Variants in RALGPS1 observed in about 807,000 individuals in gnomAD.
The protein encoded by RALGPS1 is ras-specific guanine nucleotide-releasing factor RalGPS1.
RALGPS1 carries 19 observed loss-of-function variants against 78.8 expected under a neutral mutation model. The observed-to-expected ratio is 0.24, with a 90% CI of 0.17 to 0.35. The LOEUF is 0.35. Among genes scored for constraint, RALGPS1 ranks in the 10% least tolerant of loss-of-function variants. The probability of loss-of-function intolerance (pLI) is 1.00; values close to 1 mark genes in which losing one functional copy is unlikely to be tolerated. For missense variants in RALGPS1, 454 were observed against 688.3 expected, an observed-to-expected ratio of 0.66 and a Z score of 3.81; for synonymous variants, 228 against 256.3, an observed-to-expected ratio of 0.89 and a Z score of 1.06.
intron 8 of RALGPS1, among the ~76,000 whole-genome samples, chr9:127,119,623 T>A (rs1308286697): frequency 6.6e-6 from 1 of 152,174 alleles, no homozygotes; most frequent in African/African-American, 2.4e-5. Flanking sequence ...TGACATAATG[T>A]ATATGCCTTA....
chr9:127,164,782 C>T (rs944738523), intron 8 of RALGPS1, among the ~76,000 whole-genome samples: 20 of 148,524 alleles, frequency 1.3e-4, no homozygotes, highest in African/African-American at 4.7e-4. Context: ...TCGAGCAATC[C>T]GCTCACCTCG....
At chr9:127,108,523 C>A (rs750442560) in intron 8 of RALGPS1, 10 of 1,613,168 alleles carry the variant, frequency 6.2e-6, no homozygotes, top group Non-Finnish European at 8.5e-6. Context: ...GGAGTTGACG[C>A]AGATGGCACC....
At chr9:126,924,617 A>G (rs2035088777) in intron 1 of RALGPS1, among the ~76,000 whole-genome samples, 1 of 152,214 alleles carries the variant, frequency 6.6e-6, no homozygotes, top group Non-Finnish European at 1.5e-5. Context: ...CAGTTTTAAT[A>G]TCTGAGATTG....
intron 8 of RALGPS1, among the ~76,000 whole-genome samples, chr9:127,160,362 G>T (rs1018214906): frequency 3.3e-5 from 5 of 152,244 alleles, no homozygotes; most frequent in African/African-American, 1.2e-4. Context: ...CCTGCCCCTT[G>T]TGTTGAGGCC....
At chr9:126,947,130 T>A (rs1025609860) in intron 1 of RALGPS1, among the ~76,000 whole-genome samples, 1 of 152,206 alleles carries the variant, frequency 6.6e-6, no homozygotes, top group Non-Finnish European at 1.5e-5. Context: ...TTGATTCTTG[T>A]GGTCTTAGGC....
chr9:127,187,528 C>T (rs905300712), intron 11 of RALGPS1, among the ~76,000 whole-genome samples: 7 of 152,240 alleles, frequency 4.6e-5, no homozygotes, highest in Non-Finnish European at 7.3e-5. Context: ...TAGCGCTGGG[C>T]GCATTACATT....
At chr9:127,101,287 G>C (rs1481415782) in intron 8 of RALGPS1, among the ~76,000 whole-genome samples, 6 of 152,340 alleles carry the variant, frequency 3.9e-5, no homozygotes, top group Admixed American at 3.9e-4. Flanking sequence ...GGGCTCAAGA[G>C]GATCACATGA....
intron 7 of RALGPS1, among the ~76,000 whole-genome samples, chr9:127,064,132 T>G (rs2049466594): frequency 6.6e-6 from 1 of 152,216 alleles, no homozygotes; most frequent in East Asian, 1.9e-4. Flanking sequence ...CTTCTAAACT[T>G]TACTAGAAGT....
chr9:127,193,732 C>A (rs1289508427), intron 11 of RALGPS1, among the ~76,000 whole-genome samples: 1 of 152,088 alleles, frequency 6.6e-6, no homozygotes, highest in African/African-American at 2.4e-5. Flanking sequence ...TGGGCTTGGG[C>A]CTTATGGGTC....
At chr9:127,052,595 T>C (rs759074171) in intron 6 of RALGPS1, among the ~76,000 whole-genome samples, 4 of 152,226 alleles carry the variant, frequency 2.6e-5, no homozygotes, top group Non-Finnish European at 5.9e-5. Context: ...TAATGCACAC[T>C]ATCAAACCTT....
chr9:127,065,985 G>A (rs1428264522), intron 7 of RALGPS1, among the ~76,000 whole-genome samples: 1 of 152,234 alleles, frequency 6.6e-6, no homozygotes, highest in Non-Finnish European at 1.5e-5. Context: ...AGGCACAGAA[G>A]GGAGCAGATG....
chr9:127,195,189 C>T lies in RALGPS1; in HGVS notation c.1009C>T (p.His337Tyr), dbSNP rs763986402. The T allele has an allele frequency of 5.0e-6, 8 of 1,611,954 alleles. No individual in the cohort carries two copies. Among genetic ancestry groups the T allele is most frequent in the South Asian group, 4.4e-5 (4 of 91,090 alleles). Residue 337 changes from histidine (H) to tyrosine (Y), a missense_variant, in exon 12 of 19, where the codon CAC becomes TAC. Coordinates refer to ENST00000259351, the MANE Select transcript of RALGPS1 (RefSeq NM_014636.3). The part of the protein sequence containing the change: ...GSLPTPPVPR[H>Y]RKSHSLGNNM... The stretch of plus-strand genomic sequence containing the variant: ...CCTCCCCACACCTCCAGTCCCCAGA[C>T]ACAGGAAGAGCCACAGCCTAGGCAA...
chr9:127,050,670 G>A (rs2048229213), intron 6 of RALGPS1, among the ~76,000 whole-genome samples: 1 of 152,002 alleles, frequency 6.6e-6, no homozygotes, highest in African/African-American at 2.4e-5. Context: ...TCCTTGTTGG[G>A]AATCACCTTT....
At chr9:127,215,809 T>C (rs2062545969) in intron 18 of RALGPS1, among the ~76,000 whole-genome samples, 2 of 152,200 alleles carry the variant, frequency 1.3e-5, no homozygotes, top group Non-Finnish European at 2.9e-5. Context: ...GCACTGATGC[T>C]CCTGTCCCTA....
chr9:127,148,698 G>A (rs1176687788), intron 8 of RALGPS1, among the ~76,000 whole-genome samples: 1 of 152,184 alleles, frequency 6.6e-6, no homozygotes, highest in Non-Finnish European at 1.5e-5. Context: ...AGAGAGTAGG[G>A]AGGGCTCCCA....
intron 8 of RALGPS1, among the ~76,000 whole-genome samples, chr9:127,105,191 G>A (rs192096954): frequency 6.6e-6 from 1 of 152,354 alleles, no homozygotes; most frequent in East Asian, 1.9e-4. Flanking sequence ...TAATGAGCAA[G>A]TACCAACATT....
chr9:127,115,975 C>T (rs913559741), intron 8 of RALGPS1, among the ~76,000 whole-genome samples: 2 of 152,230 alleles, frequency 1.3e-5, no homozygotes, highest in African/African-American at 2.4e-5. Context: ...AATGATTCCC[C>T]ACCAGAAGGC....
chr9:126,917,541 TGCTGAGTGAAC>T (rs1331699892), intron 1 of RALGPS1, among the ~76,000 whole-genome samples: 1 of 152,234 alleles, frequency 6.6e-6, no homozygotes, highest in Non-Finnish European at 1.5e-5. Context: ...TGCCACCTCC[TGCTGAGTGAAC>T]CAGCACTACT....
chr9:127,002,458 T>A (rs1161287742), intron 4 of RALGPS1, among the ~76,000 whole-genome samples: 2 of 150,526 alleles, frequency 1.3e-5, no homozygotes, highest in Admixed American at 6.6e-5. Context: ...CTTTTTTTTT[T>A]ATTATACTTT....
Sources: allele counts gnomAD v4.1 joint callset (sites outside exome capture counted in the v4.1 genomes callset), GRCh38; gene constraint gnomAD v4.1.1; transcripts MANE v1.5; gene names NCBI Gene and HGNC (gene_info 2026-07-23, HGNC 2026-07-21).